The following URB1 variants were observed in gnomAD, a reference collection of about 807,000 sequenced individuals.
URB1 encodes the protein nucleolar pre-ribosomal-associated protein 1.
URB1 carries 197 observed loss-of-function variants against 242.3 expected under a neutral mutation model. That is an observed-to-expected ratio of 0.81 (90% confidence interval 0.72 to 0.91). The LOEUF is 0.91. Among genes scored for constraint, URB1 ranks in the 40% least tolerant of loss-of-function variants. URB1 has a pLI of 0.00. For synonymous variants in URB1, 1,153 were observed against 1,201.8 expected (o/e 0.96, Z 0.84); for missense variants, 2,721 against 2,860.5 (o/e 0.95, Z 1.11).
rs1217364877 is a variant in URB1 at position 32,324,544 on chromosome 21, G to GT, written c.5179dup (p.Thr1727AsnfsTer34). The GT allele has an allele frequency of 1.9e-6, 3 of 1,551,790 alleles. No homozygotes were observed. Among genetic ancestry groups the GT allele is most frequent in the African/African-American group, 1.4e-5 (1 of 73,070 alleles). ...GGCAATGAAGAGAGCCAAGGTAAAA[G>GT]TAAGTCTCATGTCCTGAGTTCGAAT... is the stretch of plus-strand genomic sequence containing the variant. On this transcript the variant is annotated frameshift_variant, in exon 32 of 39. Coordinates refer to ENST00000382751, the MANE Select transcript of URB1 (RefSeq NM_014825.3). LOFTEE classifies it high-confidence loss of function.
Position 32,319,422 on chromosome 21 carries a change from C to A in URB1, c.5595-8G>T. ...AGCGGAGTCTCCAGAAACCTAAAAC[C>A]AAGCACAACAGCCTTCAATCCGCCA... is the stretch of plus-strand genomic sequence containing the variant. On this transcript the variant is annotated splice_region_variant and splice_polypyrimidine_tract_variant and intron_variant, in intron 35 of 38. Transcript: ENST00000382751. 1 of 1,505,818 alleles carries A rather than the reference C, an allele frequency of 6.6e-7. No individual in the cohort carries two copies. The highest frequency in any genetic ancestry group is 1.3e-5 in the South Asian group (1 of 76,792). 93.3% of individuals were successfully genotyped at this position (1,505,818 alleles called of 1,614,324 possible).
At chr21:32,385,942 A>C (rs1218287668) in intron 1 of URB1, among the ~76,000 whole-genome samples, 1 of 152,152 alleles carries the variant, frequency 6.6e-6, no homozygotes, top group African/African-American at 2.4e-5. Context: ...ACCTGAGGTC[A>C]GGAGTTCAAG....
At chr21:32,329,492 G>A (rs1032230059) in intron 30 of URB1, among the ~76,000 whole-genome samples, 9 of 152,196 alleles carry the variant, frequency 5.9e-5, no homozygotes, top group African/African-American at 2.2e-4. Context: ...GCTGCCTTGT[G>A]GCATGTGTGA....
Position 32,362,003 on chromosome 21 carries a change from T to G in URB1, c.1528A>C (p.Thr510Pro). 1 of 1,551,542 alleles carries G rather than the reference T, an allele frequency of 6.4e-7. No individual in the cohort carries two copies. Among genetic ancestry groups the G allele is most frequent in the Non-Finnish European group, 8.7e-7 (1 of 1,146,900 alleles). Residue 510 changes from threonine (T) to proline (P), a missense_variant, in exon 12 of 39, where the codon ACT (threonine) becomes CCT (proline). Transcript: ENST00000382751. The part of the protein sequence containing the change: ...ALSKILPDLN[T>P]VVWVWQSLKK... ...AGTGACTGCCAGACCCACACGACAG[T>G]GTTCAGGTCTGGCAAAATCTAAATG...
chr21:32,373,968 T>G (rs1459502959), intron 6 of URB1, among the ~76,000 whole-genome samples, 196 bp from the exon 7 acceptor site: 3 of 152,238 alleles, frequency 2.0e-5, no homozygotes, highest in Admixed American at 1.3e-4. Context: ...TAGGATATCG[T>G]TACTATTTTG....
At chr21:32,341,833 C>A (rs1046147448) in intron 24 of URB1, among the ~76,000 whole-genome samples, 1 of 152,114 alleles carries the variant, frequency 6.6e-6, no homozygotes, top group Non-Finnish European at 1.5e-5. Flanking sequence ...CTTGTTTGCA[C>A]AATTCTTGAC....
chr21:32,375,454 T>C lies in URB1; in HGVS notation c.694A>G (p.Ile232Val). The change falls in exon 6 of 39, where the codon ATA becomes GTA. Residue 232 changes from isoleucine (I) to valine (V), a missense_variant. By Grantham distance (29) the Ile-to-Val change is conservative. Coordinates refer to ENST00000382751, the MANE Select transcript of URB1 (RefSeq NM_014825.3). ...ATGGTAGAGATCCTATCTTCCTTTATCCCTGAGCTAAAAATGCAAGGAATA... is the reference window on the plus strand; with the variant it reads ...ATGGTAGAGATCCTATCTTCCTTTACCCCTGAGCTAAAAATGCAAGGAATA... ...EFIPCIFSSGIKEDRISTINI... is the reference protein window; with the variant it reads ...EFIPCIFSSGVKEDRISTINI... 1 of 1,536,852 alleles carries C rather than the reference T, an allele frequency of 6.5e-7. No individual in the cohort carries two copies. Among genetic ancestry groups the C allele is most frequent in the Non-Finnish European group, 8.8e-7 (1 of 1,140,108 alleles).
chr21:32,357,705 A>G (rs2033238498), intron 14 of URB1, 49 bp from the exon 15 acceptor site: 3 of 1,235,554 alleles, frequency 2.4e-6, no homozygotes, highest in Non-Finnish European at 3.1e-6. Flanking sequence ...AATTACATAT[A>G]TAATTTTAAT....
intron 1 of URB1, among the ~76,000 whole-genome samples, chr21:32,390,982 G>T (rs1246426507): frequency 1.3e-5 from 2 of 152,144 alleles, no homozygotes; most frequent in African/African-American, 2.4e-5. Flanking sequence ...GTCCAACAAT[G>T]ATAGACTGGA....
intron 1 of URB1, among the ~76,000 whole-genome samples, chr21:32,389,944 C>A (rs758862958): frequency 6.6e-6 from 1 of 152,194 alleles, no homozygotes; most frequent in African/African-American, 2.4e-5. Context: ...GAACCCTTCC[C>A]TCACATGCCT....
chr21:32,392,383 C>T (rs1351084948), intron 1 of URB1, among the ~76,000 whole-genome samples: 1 of 152,142 alleles, frequency 6.6e-6, no homozygotes, highest in African/African-American at 2.4e-5. Flanking sequence ...ACGGTGCTGA[C>T]GGCCCAAGGA....
chr21:32,345,315 AT>A, intron 23 of URB1, 58 bp downstream of exon 23: 1 of 1,515,784 alleles, frequency 6.6e-7, no homozygotes, highest in Non-Finnish European at 8.9e-7. Flanking sequence ...TACTCTATGA[AT>A]TAAAAAAAAA....
At chr21:32,355,342 G>A in intron 16 of URB1, 107 bp downstream of exon 16, 1 of 984,684 alleles carries the variant, frequency 1.0e-6, no homozygotes, top group Non-Finnish European at 1.5e-6. Context: ...AGTAAGCCAG[G>A]ACGAGAAGCC....
Position 32,347,127 on chromosome 21 carries a change from T to A in URB1, c.3697A>T (p.Ile1233Phe). 1.3e-6 allele frequency: 2 copies of A among 1,549,334 alleles called. No individual in the cohort carries two copies. Among genetic ancestry groups the A allele is most frequent in the South Asian group, 1.2e-5 (1 of 84,014 alleles). ...LARRTQAALS[I>F]AALLLQESCT... ...CTCTCCTGGAGGAGCAGGGCAGCGA[T>A]GCTGAGGGCCGCCTGTGTGCGCCGG... The change falls in exon 22 of 39, where the codon ATC becomes TTC. Residue 1233 changes from isoleucine to phenylalanine, a missense_variant. Transcript: ENST00000382751.
At position 32,378,554 on chromosome 21, in the gene URB1, G is replaced by A. The variant is rs1295520221; in HGVS notation, c.568-13C>T. On this transcript the variant is annotated splice_polypyrimidine_tract_variant and intron_variant, in intron 4 of 38. Transcript: ENST00000382751. ...CGTCGTACACTCCCTAGAGGACAAA[G>A]GAGACCTACATGTCACATGCATATT... 6.5e-7 allele frequency: 1 copy of A among 1,549,376 alleles called. No homozygotes were observed. Among genetic ancestry groups the A allele is most frequent in the Non-Finnish European group, 8.7e-7 (1 of 1,144,972 alleles).
At chr21:32,379,951 C>T (rs190175264) in intron 4 of URB1, among the ~76,000 whole-genome samples, 1 of 151,902 alleles carries the variant, frequency 6.6e-6, no homozygotes, top group Non-Finnish European at 1.5e-5. Context: ...TGCACTCCAA[C>T]CTGGGCGACA....
intron 26 of URB1, 56 bp from the exon 27 acceptor site, chr21:32,337,570 C>G (rs552764649): frequency 6.9e-7 from 1 of 1,445,816 alleles, no homozygotes; most frequent in Non-Finnish European, 9.5e-7. Flanking sequence ...CACTGAATAC[C>G]AGAAGAGGAG....
rs1451938974 is a variant in URB1, at chr21:32,378,536, C to T, written c.573G>A (p.Val191=). The change falls in exon 5 of 39, where the codon GTG becomes GTA. Residue 191 remains valine, a synonymous_variant. Coordinates refer to ENST00000382751, the MANE Select transcript of URB1 (RefSeq NM_014825.3). ...TLVTKRDSKG[V]YDVRQAYVQF... ...GAACGTAGGCCTGCCGAACGTCGTA[C>T]ACTCCCTAGAGGACAAAGGAGACCT... is the stretch of plus-strand genomic sequence containing the variant. 4.5e-6 allele frequency: 7 copies of T among 1,551,576 alleles called. No homozygotes were observed. The highest frequency in any genetic ancestry group is 6.1e-6 in the Non-Finnish European group (7 of 1,146,920).
intron 32 of URB1, among the ~76,000 whole-genome samples, chr21:32,323,631 T>C (rs1337268858): frequency 6.6e-6 from 1 of 152,184 alleles, no homozygotes; most frequent in Admixed American, 6.5e-5. Flanking sequence ...TGACGGCAGC[T>C]ATCACTGATG....
Sources: allele counts gnomAD v4.1 joint callset (sites outside exome capture counted in the v4.1 genomes callset), GRCh38; gene constraint gnomAD v4.1.1; transcripts MANE v1.5; gene names NCBI Gene and HGNC (gene_info 2026-07-23, HGNC 2026-07-21).